Variants in PHACTR1 observed in about 807,000 individuals in gnomAD.
The protein encoded by PHACTR1 is phosphatase and actin regulator 1.
Under a neutral mutation model 69.2 loss-of-function variants are expected in PHACTR1, and 16 were observed. The ratio of observed to expected loss-of-function variants is 0.23; its 90% confidence interval spans 0.16 to 0.35. The LOEUF (loss-of-function observed/expected upper bound fraction) is 0.35, where lower values mean the gene tolerates loss of function less well. Ranked by LOEUF, PHACTR1 falls within the 10% of genes least tolerant of loss-of-function variation. The pLI is 1.00. For missense variants in PHACTR1, 510 were observed against 734.7 expected (o/e 0.69, Z 3.54); for synonymous variants, 312 against 284.5 (o/e 1.10, Z -0.97).
At chr6:13,077,849 C>T (rs984551320) in intron 5 of PHACTR1, among the ~76,000 whole-genome samples, 5 of 151,990 alleles carry the variant, frequency 3.3e-5, no homozygotes, top group Non-Finnish European at 7.4e-5. Context: ...ACAAGACTTG[C>T]GAGACAAAAT....
intron 4 of PHACTR1, among the ~76,000 whole-genome samples, chr6:12,897,698 T>TTA (rs1784801240): frequency 1.3e-5 from 2 of 148,832 alleles, no homozygotes; most frequent in Non-Finnish European, 3.0e-5. Context: ...TTTGTAATCT[T>TTA]TTATTATTAT....
At chr6:13,090,261 G>A (rs976415653) in intron 5 of PHACTR1, among the ~76,000 whole-genome samples, 2 of 150,102 alleles carry the variant, frequency 1.3e-5, no homozygotes, top group African/African-American at 4.9e-5. Context: ...TCACCATGTT[G>A]TCTCGAACTC....
chr6:12,855,011 A>C (rs35657920), intron 4 of PHACTR1, among the ~76,000 whole-genome samples: 31,180 of 152,158 alleles, frequency 0.2, 3,617 homozygotes, highest in African/African-American at 0.32. Flanking sequence ...ATAGAACTAC[A>C]ATTTGACCCA....
chr6:12,909,040 A>G (rs1482613937), intron 4 of PHACTR1, among the ~76,000 whole-genome samples: 1 of 152,218 alleles, frequency 6.6e-6, no homozygotes, highest in Non-Finnish European at 1.5e-5. Context: ...TACTTAGGCA[A>G]TGGAGGTGGA....
At chr6:13,210,308 C>T (rs778460530) in intron 8 of PHACTR1, among the ~76,000 whole-genome samples, 59 of 152,302 alleles carry the variant, frequency 3.9e-4, no homozygotes, top group Admixed American at 7.8e-4. Context: ...AGCCATGGCA[C>T]ACACCTGCAG....
Position 13,284,543 on chromosome 6 carries a change from A to AAAAAT in PHACTR1, c.1650+982_1650+983insAAATA, listed in dbSNP as rs1554187813. Among the ~76,000 whole-genome samples the AAAAAT allele has an allele frequency of 5.7e-4, 35 of 61,344 alleles. 1 individual carries two copies. Among genetic ancestry groups the AAAAAT allele is most frequent in the African/African-American group, 1.3e-3 (12 of 9,400 alleles). The allele number at this position is 61,344 out of a possible 152,430, so 40.2% of individuals were successfully genotyped here. A position where few individuals can be genotyped will look rare whatever the true frequency, so the allele number is the denominator to read the frequency against. On this transcript the variant is annotated intron_variant, in intron 13 of 14. Coordinates refer to ENST00000332995, the MANE Select transcript of PHACTR1 (RefSeq NM_030948.6). Reference sequence around the variant, plus strand: ...AAAAAAAAAAAAAAAAAAAAAAAAAAATATATATATATATATATATATATA... The same window carrying AAAAAT: ...AAAAAAAAAAAAAAAAAAAAAAAAAAAAAATATATATATATATATATATATATATA...
chr6:12,728,708 G>A (rs1272854423), intron 3 of PHACTR1, among the ~76,000 whole-genome samples: 2 of 152,022 alleles, frequency 1.3e-5, no homozygotes, highest in East Asian at 3.9e-4. Flanking sequence ...ATAATTTTCA[G>A]GTAATATGTA....
intron 4 of PHACTR1, among the ~76,000 whole-genome samples, chr6:13,046,607 T>C (rs1159508116): frequency 6.6e-6 from 1 of 152,108 alleles, no homozygotes; most frequent in Non-Finnish European, 1.5e-5. Flanking sequence ...CTTGTTGATT[T>C]ATCTCCCAGC....
At chr6:12,901,822 T>A (rs1344430385) in intron 4 of PHACTR1, among the ~76,000 whole-genome samples, 2 of 152,226 alleles carry the variant, frequency 1.3e-5, no homozygotes, top group East Asian at 3.9e-4. Flanking sequence ...AGCTTTCTTA[T>A]TGTACAGACT....
intron 4 of PHACTR1, among the ~76,000 whole-genome samples, chr6:12,944,619 ATTGT>A (rs1196471319): frequency 6.6e-6 from 1 of 152,136 alleles, no homozygotes; most frequent in Non-Finnish European, 1.5e-5. Flanking sequence ...CCCTAAAATA[ATTGT>A]TTGATCAGAT....
At chr6:13,036,715 A>G (rs964278658) in intron 4 of PHACTR1, among the ~76,000 whole-genome samples, 1 of 152,090 alleles carries the variant, frequency 6.6e-6, no homozygotes, top group Non-Finnish European at 1.5e-5. Flanking sequence ...GGTATTTCTT[A>G]CCTGTGGTTT....
At chr6:13,196,262 C>T (rs143584215) in intron 7 of PHACTR1, among the ~76,000 whole-genome samples, 58 of 128,958 alleles carry the variant, frequency 4.5e-4, no homozygotes, top group Non-Finnish European at 6.5e-4. Flanking sequence ...GGAAAGGAGG[C>T]ATTTTTATCC....
intron 4 of PHACTR1, among the ~76,000 whole-genome samples, chr6:12,957,013 G>C (rs944197059): frequency 6.8e-6 from 1 of 146,808 alleles, no homozygotes; most frequent in Non-Finnish European, 1.5e-5. Flanking sequence ...GAAGGTTCAA[G>C]GAAAGTTAAT....
chr6:13,119,271 G>T (rs1818326209), intron 5 of PHACTR1, among the ~76,000 whole-genome samples: 1 of 152,044 alleles, frequency 6.6e-6, no homozygotes, highest in Admixed American at 6.6e-5. Flanking sequence ...AAACCCACTG[G>T]GATTAATTTA....
At chr6:12,903,927 C>T (rs1785453878) in intron 4 of PHACTR1, among the ~76,000 whole-genome samples, 1 of 152,030 alleles carries the variant, frequency 6.6e-6, no homozygotes, top group Non-Finnish European at 1.5e-5. Flanking sequence ...TATAATTTAG[C>T]ATCTTATTAA....
At chr6:12,893,341 A>C (rs985420740) in intron 4 of PHACTR1, among the ~76,000 whole-genome samples, 2 of 152,202 alleles carry the variant, frequency 1.3e-5, no homozygotes, top group African/African-American at 4.8e-5. Context: ...TCCAAAAAAG[A>C]AAGTTAACAA....
intron 5 of PHACTR1, among the ~76,000 whole-genome samples, chr6:13,156,511 T>C (rs1758195793): frequency 6.6e-6 from 1 of 152,196 alleles, no homozygotes; most frequent in Non-Finnish European, 1.5e-5. Context: ...CCCCTAGTAT[T>C]CTCCCTGTGT....
At chr6:13,023,437 A>AT (rs1232437413) in intron 4 of PHACTR1, among the ~76,000 whole-genome samples, 1 of 152,156 alleles carries the variant, frequency 6.6e-6, no homozygotes, top group African/African-American at 2.4e-5. Flanking sequence ...GCACATGGAG[A>AT]TTTGCCTCCA....
chr6:12,822,414 G>A (rs1267356092), intron 4 of PHACTR1, among the ~76,000 whole-genome samples: 2 of 152,286 alleles, frequency 1.3e-5, no homozygotes, highest in African/African-American at 4.8e-5. Context: ...ACAAGGGAGC[G>A]ATACCACATG....
Sources: gnomAD v4.1 joint callset for allele counts (sites outside exome capture counted in the v4.1 genomes callset) on GRCh38, gnomAD v4.1.1 for gene constraint, MANE v1.5 for transcripts, NCBI Gene and HGNC (gene_info 2026-07-23, HGNC 2026-07-21) for gene names.